HEATR5A: variants seen among roughly 807,000 people sequenced by gnomAD.
HEATR5A encodes the protein HEAT repeat containing 5A.
Under a neutral mutation model 218.8 loss-of-function variants are expected in HEATR5A, and 178 were observed. The ratio of observed to expected loss-of-function variants is 0.81; its 90% CI spans 0.72 to 0.92. The LOEUF is 0.92. Among genes scored for constraint, HEATR5A ranks in the 40% least tolerant of loss-of-function variants. The pLI, the probability that HEATR5A is intolerant of heterozygous loss-of-function variation, is 0.00. For missense variants in HEATR5A, 2,420 were observed against 2,418.9 expected (o/e 1.00, Z -0.01); for synonymous variants, 864 against 871.6 (o/e 0.99, Z 0.15).
At position 31,335,915 on chromosome 14, in the gene HEATR5A, G is replaced by A. The variant is rs916214672; in HGVS notation, c.3367+1561C>T. ...GGTGATCTGCCCACCTCGGCCTCCC[G>A]AAGTACTGGGATTACAAGCGTGAGC... is the stretch of plus-strand genomic sequence containing the variant. On this transcript the variant is annotated intron_variant, in intron 22 of 35. Coordinates refer to ENST00000543095, the MANE Select transcript of HEATR5A (RefSeq NM_015473.4). Among the ~76,000 whole-genome samples, 25 of 151,398 alleles carry A rather than the reference G, an allele frequency of 1.7e-4. 1 individual carries two copies. The highest frequency in any genetic ancestry group is 1.0e-4 in the Non-Finnish European group (7 of 67,884).
chr14:31,343,879 T>C lies in HEATR5A; in HGVS notation c.3228+17A>G. 6.5e-7 allele frequency: 1 copy of C among 1,546,540 alleles called. No homozygotes were observed. Among genetic ancestry groups the C allele is most frequent in the South Asian group, 1.2e-5 (1 of 81,878 alleles). ...AAATAAAAGAAACTAAGAGCTCGTT[T>C]ACAATTCTATACTCACACAGAGGCA... On this transcript the variant is annotated intron_variant, in intron 21 of 35. Transcript: ENST00000543095.
rs56271293 is a variant in HEATR5A at position 31,381,660 on chromosome 14, C to T, written c.1597-1082G>A. Among the ~76,000 whole-genome samples, 13 of 151,966 alleles carry T rather than the reference C, an allele frequency of 8.6e-5. No individual in the cohort carries two copies. The South Asian group carries it at 1.2e-3, about 15-fold the overall frequency. On this transcript the variant is annotated intron_variant, in intron 10 of 35. Coordinates refer to ENST00000543095, the MANE Select transcript of HEATR5A (RefSeq NM_015473.4). ...ATTAGCCAGGCAATGGAATTACGTGCCTGTAGTTTCAGCCACTTGGGAGGC... is the reference window on the plus strand; with the variant it reads ...ATTAGCCAGGCAATGGAATTACGTGTCTGTAGTTTCAGCCACTTGGGAGGC...
chr14:31,299,435 C>T (rs550030939), intron 33 of HEATR5A, among the ~76,000 whole-genome samples: 139 of 152,212 alleles, frequency 9.1e-4, no homozygotes, highest in Non-Finnish European at 1.4e-3. Flanking sequence ...AAAACCCTTT[C>T]GTGGCCAGAC....
intron 22 of HEATR5A, among the ~76,000 whole-genome samples, chr14:31,326,809 AT>A (rs994746858): frequency 3.3e-5 from 5 of 150,530 alleles, no homozygotes; most frequent in African/African-American, 7.3e-5. Flanking sequence ...CGCCCAGCTA[AT>A]TTTTTTTTAT....
At chr14:31,388,384 T>C (rs1038866031) in intron 7 of HEATR5A, among the ~76,000 whole-genome samples, 3 of 152,232 alleles carry the variant, frequency 2.0e-5, no homozygotes, top group African/African-American at 7.2e-5. Context: ...GAGTTTACCT[T>C]TTAAAACTCG....
chr14:31,382,077 A>G (rs2030012925), intron 10 of HEATR5A, among the ~76,000 whole-genome samples: 1 of 152,334 alleles, frequency 6.6e-6, no homozygotes, highest in Middle Eastern at 3.4e-3. Context: ...AAAACAAACC[A>G]TTCTAGTCAA....
chr14:31,402,760 T>C, intron 2 of HEATR5A, 90 bp downstream of exon 2: 1 of 1,214,304 alleles, frequency 8.2e-7, no homozygotes, highest in Non-Finnish European at 1.1e-6. Context: ...AAAGCTAAAT[T>C]AGGTTATTCT....
intron 24 of HEATR5A, among the ~76,000 whole-genome samples, chr14:31,322,604 A>C (rs919480612): frequency 3.9e-4 from 59 of 152,266 alleles, no homozygotes; most frequent in Middle Eastern, 3.4e-3. Context: ...GAGTCACTTA[A>C]GCCCAGAAGT....
chr14:31,317,671 T>G (rs1429166431), intron 26 of HEATR5A, among the ~76,000 whole-genome samples: 1 of 152,174 alleles, frequency 6.6e-6, no homozygotes, highest in Non-Finnish European at 1.5e-5. Flanking sequence ...GTATGGCTCT[T>G]AAGTATATGA....
chr14:31,374,778 C>T (rs759557202), intron 12 of HEATR5A, 38 bp downstream of exon 12: 3 of 1,566,516 alleles, frequency 1.9e-6, no homozygotes, highest in Non-Finnish European at 2.6e-6. Context: ...GGGTAAAAAG[C>T]CAAAGGAAAG....
intron 24 of HEATR5A, among the ~76,000 whole-genome samples, chr14:31,322,997 G>A (rs1900158563): frequency 6.6e-6 from 1 of 152,024 alleles, no homozygotes; most frequent in Middle Eastern, 3.2e-3. Flanking sequence ...CACTGAGAAA[G>A]GCTCAAATGT....
At chr14:31,419,411 T>A (rs1339574245) in intron 1 of HEATR5A, among the ~76,000 whole-genome samples, 1 of 152,076 alleles carries the variant, frequency 6.6e-6, no homozygotes, top group East Asian at 1.9e-4. Flanking sequence ...CCTCTCCCCA[T>A]CCAACTAATG....
chr14:31,302,448 G>A lies in HEATR5A; in HGVS notation c.5311C>T (p.Pro1771Ser). The A allele has an allele frequency of 6.3e-7, 1 of 1,598,124 alleles. No individual in the cohort carries two copies. The highest frequency in any genetic ancestry group is 2.3e-5 in the East Asian group (1 of 44,422). Residue 1771 changes from proline (P) to serine (S), a missense_variant, in exon 33 of 36, where the codon CCT becomes TCT. Physicochemically the swap from Pro to Ser is moderately conservative, Grantham distance 74. Transcript: ENST00000543095. ...ACTGTCGAAGATAACTGGCCCCCAGGTAACTTCACAGCAGTCTCTCTGAGG... is the reference window on the plus strand; with the variant it reads ...ACTGTCGAAGATAACTGGCCCCCAGATAACTTCACAGCAGTCTCTCTGAGG... The part of the protein sequence containing the change: ...GVLRETAVKL[P>S]GGQLSSTVAA...
intron 33 of HEATR5A, among the ~76,000 whole-genome samples, chr14:31,300,022 C>T (rs1007247009): frequency 2.6e-5 from 4 of 152,032 alleles, no homozygotes; most frequent in Admixed American, 1.3e-4. Flanking sequence ...GGCAACAGAG[C>T]GAGACTCCAA....
Position 31,293,916 on chromosome 14 carries a change from C to G in HEATR5A, c.5808G>C (p.Leu1936=). The change falls in exon 35 of 36, where the codon CTG becomes CTC. Residue 1936 remains leucine, a synonymous_variant. Coordinates refer to ENST00000543095, the MANE Select transcript of HEATR5A (RefSeq NM_015473.4). ...GATGGTGTTCTTCAGCAACAGTAAC[C>G]AGTGTTTCTAAGACCTTTATGCCTT... The part of the protein sequence containing the change: ...FQEGIKVLET[L]VTVAEEHHRA... The G allele has an allele frequency of 6.2e-7, 1 of 1,604,606 alleles. No homozygotes were observed. Among genetic ancestry groups the G allele is most frequent in the South Asian group, 1.1e-5 (1 of 89,254 alleles).
At chr14:31,366,532 G>A (rs1258655688) in intron 13 of HEATR5A, among the ~76,000 whole-genome samples, 1 of 152,106 alleles carries the variant, frequency 6.6e-6, no homozygotes, top group East Asian at 1.9e-4. Flanking sequence ...ATAAAACAAA[G>A]TAAGAATTTA....
Position 31,306,880 on chromosome 14 carries a change from C to T in HEATR5A, c.4819-1G>A. On this transcript the variant is annotated splice_acceptor_variant, in intron 30 of 35. Transcript: ENST00000543095. LOFTEE classifies it high-confidence loss of function. ...CATTCAGCAATTCTATACCCAAGTCCTATCATGGAAATCATGTACAGGACA... is the reference window on the plus strand; with the variant it reads ...CATTCAGCAATTCTATACCCAAGTCTTATCATGGAAATCATGTACAGGACA... 1.3e-6 allele frequency: 2 copies of T among 1,599,784 alleles called. No homozygotes were observed. Among genetic ancestry groups the T allele is most frequent in the Non-Finnish European group, 1.7e-6 (2 of 1,170,708 alleles).
At chr14:31,406,609 T>C (rs1301120202) in intron 1 of HEATR5A, among the ~76,000 whole-genome samples, 1 of 152,114 alleles carries the variant, frequency 6.6e-6, no homozygotes, top group East Asian at 1.9e-4. Context: ...TAAGATTTGT[T>C]TTAACCACAA....
At chr14:31,314,320 T>C (rs1899848084) in intron 27 of HEATR5A, among the ~76,000 whole-genome samples, 1 of 152,032 alleles carries the variant, frequency 6.6e-6, no homozygotes, top group African/African-American at 2.4e-5. Flanking sequence ...TGGTGCGATC[T>C]TGGCTCACTG....
Sources: gnomAD v4.1 joint callset for allele counts (sites outside exome capture counted in the v4.1 genomes callset) on GRCh38, gnomAD v4.1.1 for gene constraint, MANE v1.5 for transcripts, NCBI Gene and HGNC (gene_info 2026-07-23, HGNC 2026-07-21) for gene names.